FRMPD4: variants seen among roughly 807,000 people sequenced by gnomAD.
FRMPD4 encodes the protein FERM and PDZ domain containing 4.
FRMPD4 carries 22 observed loss-of-function variants against 94.1 expected under a neutral mutation model. That is an observed-to-expected ratio of 0.23 (90% CI 0.17 to 0.33). The LOEUF is 0.33. FRMPD4 is among the 10% of genes least tolerant of loss of function. FRMPD4 has a pLI of 1.00. For missense variants in FRMPD4, 1,111 were observed against 1,339.9 expected (o/e 0.83, Z 2.67); for synonymous variants, 631 against 548.6 (o/e 1.15, Z -2.10).
At chrX:12,291,946 T>C (rs892730036) in intron 1 of FRMPD4, among the ~76,000 whole-genome samples, 13 of 111,987 alleles carry the variant, frequency 1.2e-4, no homozygotes, top group Non-Finnish European at 2.4e-4. Flanking sequence ...CTTCTCTGCT[T>C]GAAAACTCTG....
intron 3 of FRMPD4, among the ~76,000 whole-genome samples, chrX:12,002,063 G>A (rs188180894): frequency 9.5e-4 from 106 of 111,917 alleles, no homozygotes; most frequent in Admixed American, 4.2e-3. Context: ...AGGTTTAGGC[G>A]GTTCCTTGGA....
At chrX:12,337,320 G>A (rs943728266) in intron 1 of FRMPD4, among the ~76,000 whole-genome samples, 14 of 111,379 alleles carry the variant, frequency 1.3e-4, no homozygotes, top group African/African-American at 4.6e-4. Flanking sequence ...TCATTGTTCC[G>A]GAATATTGGG....
intron 1 of FRMPD4, among the ~76,000 whole-genome samples, chrX:12,208,100 C>T (rs745609225): frequency 9.0e-6 from 1 of 111,490 alleles, no homozygotes; most frequent in South Asian, 3.8e-4. Flanking sequence ...ACCAAGCCTC[C>T]ACAAAATTAA....
At chrX:12,251,915 A>G (rs1367545119) in intron 1 of FRMPD4, among the ~76,000 whole-genome samples, 1 of 112,093 alleles carries the variant, frequency 8.9e-6, no homozygotes, top group African/African-American at 3.2e-5. Flanking sequence ...TCTGAGCTTC[A>G]TTTTCCTTGT....
intron 3 of FRMPD4, among the ~76,000 whole-genome samples, chrX:11,905,871 A>G (rs993217317): frequency 1.8e-5 from 2 of 111,639 alleles, no homozygotes; most frequent in African/African-American, 3.3e-5. Context: ...TTTTGAACGG[A>G]CAATACTCTT....
chrX:11,961,812 A>G (rs1035444988), intron 3 of FRMPD4, among the ~76,000 whole-genome samples: 6 of 111,719 alleles, frequency 5.4e-5, no homozygotes, highest in Non-Finnish European at 1.1e-4. Context: ...AAACACCCAA[A>G]CTGTAGAGGA....
chrX:12,132,067 A>G (rs857340), intron 3 of FRMPD4, among the ~76,000 whole-genome samples: 50,354 of 110,355 alleles, frequency 0.46, 9,418 homozygotes, highest in East Asian at 0.82. Context: ...AGGGACAATG[A>G]GGGAAGCAAG....
intron 2 of FRMPD4, among the ~76,000 whole-genome samples, chrX:12,605,667 T>C (rs752524355): frequency 9.0e-5 from 10 of 111,242 alleles, no homozygotes; most frequent in Non-Finnish European, 1.7e-4. Context: ...CCACTAGCCT[T>C]CAGATTGTTC....
At chrX:12,267,189 C>T (rs1315630349) in intron 1 of FRMPD4, among the ~76,000 whole-genome samples, 2 of 111,700 alleles carry the variant, frequency 1.8e-5, no homozygotes, top group South Asian at 3.8e-4. Context: ...GTCAAGGACC[C>T]GCTATATAAT....
intron 1 of FRMPD4, among the ~76,000 whole-genome samples, chrX:12,362,461 G>T (rs933395674): frequency 1.8e-5 from 2 of 111,147 alleles, no homozygotes; most frequent in African/African-American, 6.6e-5. Flanking sequence ...GTGGTGTTTG[G>T]TTTTCTGTCC....
At chrX:12,228,700 C>T (rs2056950524) in intron 1 of FRMPD4, among the ~76,000 whole-genome samples, 1 of 112,241 alleles carries the variant, frequency 8.9e-6, no homozygotes, top group African/African-American at 3.2e-5. Flanking sequence ...TTGAACAGCC[C>T]TTATTGAGAA....
intron 1 of FRMPD4, among the ~76,000 whole-genome samples, chrX:11,856,812 A>G (rs952308409): frequency 8.9e-6 from 1 of 112,094 alleles, no homozygotes; most frequent in African/African-American, 3.2e-5. Context: ...AAAACCCCAC[A>G]GTCTCAGCCC....
intron 1 of FRMPD4, among the ~76,000 whole-genome samples, chrX:12,463,692 G>GTTTT (rs1235218164): frequency 9.8e-5 from 8 of 81,752 alleles, no homozygotes; most frequent in African/African-American, 3.4e-4. Flanking sequence ...TTTTTTTTTT[G>GTTTT]TTTTTGTTTT....
chrX:12,052,435 G>A (rs904170451), intron 3 of FRMPD4, among the ~76,000 whole-genome samples: 2 of 112,057 alleles, frequency 1.8e-5, no homozygotes, highest in Non-Finnish European at 3.8e-5. Context: ...GGGAAGAGAG[G>A]GCATTTGAGT....
At chrX:11,945,123 A>C (rs1408981927) in intron 3 of FRMPD4, among the ~76,000 whole-genome samples, 2 of 111,325 alleles carry the variant, frequency 1.8e-5, no homozygotes, top group African/African-American at 6.5e-5. Flanking sequence ...CCAGTGAACA[A>C]CCAGGTTGAA....
At position 12,392,567 on chromosome X, in the gene FRMPD4, C is replaced by T. The variant is rs188011453; in HGVS notation, c.42-106113C>T. 1.1e-4 allele frequency among the ~76,000 whole-genome samples: 12 copies of T among 109,799 alleles called. No individual in the cohort carries two copies. In the East Asian group the frequency reaches 3.6e-3, roughly 33 times the overall value. ...ACTTGGGAGGCTGAGGCAGGAGAATCACTTGAACTCAGGAGGAAGAGGTTG... is the reference window on the plus strand; with the variant it reads ...ACTTGGGAGGCTGAGGCAGGAGAATTACTTGAACTCAGGAGGAAGAGGTTG... On this transcript the variant is annotated intron_variant, in intron 1 of 16. Coordinates refer to ENST00000675598, the MANE Select transcript of FRMPD4 (RefSeq NM_001368397.1).
chrX:12,479,437 C>CGTATATATAT (rs1569293608), intron 1 of FRMPD4, among the ~76,000 whole-genome samples: 27 of 24,662 alleles, frequency 1.1e-3, no homozygotes, highest in African/African-American at 2.7e-3. Flanking sequence ...TATATATACA[C>CGTATATATAT]ACATATATGT....
intron 3 of FRMPD4, among the ~76,000 whole-genome samples, chrX:11,987,756 A>G (rs1021446662): frequency 8.9e-6 from 1 of 111,998 alleles, no homozygotes; most frequent in African/African-American, 3.2e-5. Flanking sequence ...TTCAAAAATC[A>G]GTAGCATTTC....
rs2042091651 is a variant in FRMPD4 at position 12,716,697 on chromosome X, T to A, written c.2238T>A (p.Asp746Glu). 8.3e-7 allele frequency: 1 copy of A among 1,209,674 alleles called. No individual in the cohort carries two copies. Among genetic ancestry groups the A allele is most frequent in the African/African-American group, 1.8e-5 (1 of 57,055 alleles). Reference protein sequence around the residue: ...LHDICYAENTDDAEDEDEVSC... With the variant: ...LHDICYAENTEDAEDEDEVSC... ...ACATCTGTTATGCAGAAAACACTGA[T>A]GACGCGGAGGACGAGGACGAGGTGA... Residue 746 changes from aspartate (D) to glutamate (E), a missense_variant, in exon 15 of 17, where the codon GAT (aspartate) becomes GAA (glutamate). Around this residue, in one of 8 missense-constraint regions of FRMPD4, gnomAD observed 192 missense variants for 192.5 expected, o/e 1.00. Transcript: ENST00000675598.
Sources: gnomAD v4.1 joint callset for allele counts (sites outside exome capture counted in the v4.1 genomes callset) on GRCh38, gnomAD v4.1.1 for gene constraint, gnomAD v4.1.1 regional missense constraint, MANE v1.5 for transcripts, NCBI Gene and HGNC (gene_info 2026-07-23, HGNC 2026-07-21) for gene names.